KMT5B: variants seen among roughly 807,000 people sequenced by gnomAD.
KMT5B encodes lysine methyltransferase 5B, also known as histone-lysine N-methyltransferase KMT5B.
In KMT5B, 10 loss-of-function variants were observed where a neutral mutation model predicts 83.2. The observed-to-expected ratio is 0.12, with a 90% confidence interval of 0.07 to 0.20. The LOEUF (loss-of-function observed/expected upper bound fraction) is 0.20, where lower values mean the gene tolerates loss of function less well. Among genes scored for constraint, KMT5B ranks in the 10% least tolerant of loss-of-function variants. The pLI, the probability that KMT5B is intolerant of heterozygous loss-of-function variation, is 1.00. For synonymous variants in KMT5B, 349 were observed against 388.8 expected (o/e 0.90, Z 1.20); for missense variants, 753 against 1,067.2 (o/e 0.71, Z 4.10).
At chr11:68,204,471 G>A (rs1399963161) in intron 1 of KMT5B, among the ~76,000 whole-genome samples, 1 of 152,188 alleles carries the variant, frequency 6.6e-6, no homozygotes, top group Non-Finnish European at 1.5e-5. Flanking sequence ...GGCCACAGGT[G>A]AGGGAATGCT....
chr11:68,179,606 T>C, intron 4 of KMT5B: 1 of 1,295,302 alleles, frequency 7.7e-7, no homozygotes, highest in South Asian at 1.2e-5. Context: ...GCATGCACAA[T>C]CAAGAGCTGA....
chr11:68,162,204 C>T (rs1894204), intron 10 of KMT5B, among the ~76,000 whole-genome samples: 67,788 of 152,062 alleles, frequency 0.45, 15,716 homozygotes, highest in South Asian at 0.63. Flanking sequence ...GTTTTCCCAA[C>T]AATCCGTTTA....
chr11:68,180,839 C>T (rs1856847805), intron 3 of KMT5B, among the ~76,000 whole-genome samples: 1 of 151,866 alleles, frequency 6.6e-6, no homozygotes. Context: ...AACAACAACT[C>T]TTTTTTTCTT....
At chr11:68,196,892 C>G (rs1858786929) in intron 1 of KMT5B, among the ~76,000 whole-genome samples, 1 of 151,742 alleles carries the variant, frequency 6.6e-6, no homozygotes, top group Admixed American at 6.6e-5. Flanking sequence ...CCTAATATAC[C>G]TCAAAAATAA....
intron 1 of KMT5B, among the ~76,000 whole-genome samples, chr11:68,195,867 G>C (rs1189480393): frequency 6.6e-6 from 1 of 152,150 alleles, no homozygotes; most frequent in African/African-American, 2.4e-5. Flanking sequence ...TAAATAAAAT[G>C]AATTTTTGGC....
In KMT5B at chr11:68,173,375, C is replaced by CAT. The variant is rs925121648; in HGVS notation, c.653+427_653+428dup. Among the ~76,000 whole-genome samples, 29 of 152,060 alleles carry CAT rather than the reference C, an allele frequency of 1.9e-4. No individual in the cohort carries two copies. The East Asian group carries it at 1.9e-3, about 10-fold the overall frequency. ...ATTTTTATTGAAGCTGGCATATATA[C>CAT]ATATATATATATCTGTATGTATGTA... On this transcript the variant is annotated intron_variant, in intron 6 of 10. Coordinates refer to ENST00000304363, the MANE Select transcript of KMT5B (RefSeq NM_017635.5).
At position 68,162,685 on chromosome 11, in the gene KMT5B, T is replaced by C. The variant is rs1854968951; in HGVS notation, c.1175-3514A>G. ...CAGAAAACCAAAGCACTTTTATGTGTTTGTCTCTAAACTAACATAAACGCT... is the reference window on the plus strand; with the variant it reads ...CAGAAAACCAAAGCACTTTTATGTGCTTGTCTCTAAACTAACATAAACGCT... On this transcript the variant is annotated intron_variant, in intron 10 of 10. Coordinates refer to ENST00000304363, the MANE Select transcript of KMT5B (RefSeq NM_017635.5). Among the ~76,000 whole-genome samples, 3 of 152,188 alleles carry C rather than the reference T, an allele frequency of 2.0e-5. No individual in the cohort carries two copies. The South Asian group carries it at 6.2e-4, about 32-fold the overall frequency.
At chr11:68,190,886 G>A (rs1009762610) in intron 1 of KMT5B, among the ~76,000 whole-genome samples, 1 of 152,158 alleles carries the variant, frequency 6.6e-6, no homozygotes, top group Non-Finnish European at 1.5e-5. Context: ...GAGAGGCTGA[G>A]ATGGGAGGTC....
At chr11:68,179,034 T>G (rs1407228024) in intron 4 of KMT5B, among the ~76,000 whole-genome samples, 1 of 152,208 alleles carries the variant, frequency 6.6e-6, no homozygotes, top group Non-Finnish European at 1.5e-5. Context: ...GGATTTACCC[T>G]GGCCTTTCTG....
intron 4 of KMT5B, 146 bp from the exon 5 acceptor site, chr11:68,175,329 A>G (rs1288104974): frequency 6.8e-6 from 4 of 587,948 alleles, no homozygotes; most frequent in East Asian, 5.7e-5. Context: ...ACAACAATCA[A>G]TAGTCTTGAT....
chr11:68,158,776 C>T lies in KMT5B; in HGVS notation c.1570G>A (p.Gly524Ser). 1 of 1,614,212 alleles carries T rather than the reference C, an allele frequency of 6.2e-7. No homozygotes were observed. The highest frequency in any genetic ancestry group is 8.5e-7 in the Non-Finnish European group (1 of 1,180,042). Reference protein sequence around the residue: ...AREHRQNPVRGAHSQGESSPC... With the variant: ...AREHRQNPVRSAHSQGESSPC... ...GAGCTCTCCCCCTGCGAATGAGCAC[C>T]TCTCACAGGATTCTGTCTGTGTTCT... Residue 524 changes from glycine (G) to serine (S), a missense_variant, in exon 11 of 11, where the codon GGT (glycine) becomes AGT (serine). Coordinates refer to ENST00000304363, the MANE Select transcript of KMT5B (RefSeq NM_017635.5).
chr11:68,181,846 T>C (rs977070228), intron 3 of KMT5B, among the ~76,000 whole-genome samples: 1 of 152,160 alleles, frequency 6.6e-6, no homozygotes, highest in Non-Finnish European at 1.5e-5. Flanking sequence ...CACAAGAGTG[T>C]AAAAGCACAC....
chr11:68,183,105 C>T (rs1857103318), intron 3 of KMT5B, among the ~76,000 whole-genome samples: 1 of 151,844 alleles, frequency 6.6e-6, no homozygotes, highest in Non-Finnish European at 1.5e-5. Context: ...ATCAATATAA[C>T]TTTCTTGATG....
rs757984823 is a variant in KMT5B at position 68,157,861 on chromosome 11, AATC to A, written c.2482_2484del (p.Asp828del). 1 of 1,613,970 alleles carries A rather than the reference AATC, an allele frequency of 6.2e-7. No individual in the cohort carries two copies. Among genetic ancestry groups the A allele is most frequent in the African/African-American group, 1.3e-5 (1 of 75,034 alleles). On this transcript the variant is annotated inframe_deletion, in exon 11 of 11. Transcript: ENST00000304363. ...TCTTCATCGCCCTCAGAAGAGGAGG[AATC>A]ATCTGTACTTTCTTCCTCATACTGA... is the stretch of plus-strand genomic sequence containing the variant.
intron 9 of KMT5B, among the ~76,000 whole-genome samples, chr11:68,168,758 CAG>C (rs772895149): frequency 1.9e-4 from 29 of 152,176 alleles, no homozygotes; most frequent in Non-Finnish European, 4.0e-4. Context: ...TAGCGCGACT[CAG>C]TGTCTCTGCA....
chr11:68,160,917 A>T lies in KMT5B; in HGVS notation c.1175-1746T>A, dbSNP rs117241101. Among the ~76,000 whole-genome samples the T allele has an allele frequency of 8.6e-3, 1,313 of 152,342 alleles. 10 individuals are homozygous for T. The highest frequency in any genetic ancestry group is 0.027 in the Admixed American group (407 of 15,296). On this transcript the variant is annotated intron_variant, in intron 10 of 10. Coordinates refer to ENST00000304363, the MANE Select transcript of KMT5B (RefSeq NM_017635.5). ...AGCCAAAATCGCACGATTGTACTCC[A>T]GCCTGGGTGACAAGAGTGAAACTTC...
chr11:68,170,601 G>A (rs1310150479), intron 9 of KMT5B, among the ~76,000 whole-genome samples: 1 of 152,206 alleles, frequency 6.6e-6, no homozygotes, highest in Non-Finnish European at 1.5e-5. Flanking sequence ...CAACTCTTAA[G>A]AACTGTGAAA....
Position 68,171,852 on chromosome 11 carries a change from C to A in KMT5B, c.654-143G>T. 1.1e-5 allele frequency: 7 copies of A among 663,238 alleles called. No homozygotes were observed. Among genetic ancestry groups the A allele is most frequent in the Non-Finnish European group, 1.5e-5 (6 of 393,698 alleles). The allele number at this position is 663,238 out of a possible 1,614,324, so 41.1% of individuals were successfully genotyped here. On this transcript the variant is annotated intron_variant, in intron 6 of 10. Coordinates refer to ENST00000304363, the MANE Select transcript of KMT5B (RefSeq NM_017635.5). The surrounding 1 kb of genome is among the most constrained non-coding windows in gnomAD (Gnocchi z 5.1). ...TTTAGTTAGCTCACTGGGATCCCCACCTGGCTATCTTCTCTCCTACCCTGG... is the reference window on the plus strand; with the variant it reads ...TTTAGTTAGCTCACTGGGATCCCCAACTGGCTATCTTCTCTCCTACCCTGG...
chr11:68,175,326 T>A (rs894962545), intron 4 of KMT5B, 143 bp from the exon 5 acceptor site: 5 of 598,676 alleles, frequency 8.4e-6, no homozygotes, highest in Admixed American at 3.3e-5. Flanking sequence ...AGAACAACAA[T>A]CAATAGTCTT....
Sources: allele counts gnomAD v4.1 joint callset (sites outside exome capture counted in the v4.1 genomes callset), GRCh38; gene constraint gnomAD v4.1.1; non-coding constraint Gnocchi (gnomAD v3.1); transcripts MANE v1.5; gene names NCBI Gene and HGNC (gene_info 2026-07-23, HGNC 2026-07-21).